Variants in RTF2 observed in about 807,000 individuals in gnomAD.
RTF2 encodes UPF0549 protein C20orf43.
A neutral mutation model predicts 38.0 loss-of-function variants in RTF2; 18 were observed. The observed-to-expected ratio is 0.47, with a 90% CI of 0.33 to 0.70. RTF2 has a LOEUF of 0.70. Among genes scored for constraint, RTF2 ranks in the 30% least tolerant of loss-of-function variants. The probability of loss-of-function intolerance (pLI) is 0.02; values close to 1 mark genes in which losing one functional copy is unlikely to be tolerated. For missense variants in RTF2, 311 were observed against 379.6 expected, an observed-to-expected ratio of 0.82 and a Z score of 1.50; for synonymous variants, 126 against 137.1, an observed-to-expected ratio of 0.92 and a Z score of 0.57.
intron 2 of RTF2, among the ~76,000 whole-genome samples, chr20:56,474,447 C>T (rs1350875595): frequency 6.6e-6 from 1 of 152,178 alleles, no homozygotes; most frequent in East Asian, 1.9e-4. Context: ...CACCATTGCA[C>T]TCCAGCCGGG....
intron 5 of RTF2, among the ~76,000 whole-genome samples, chr20:56,493,135 C>A (rs1477949090): frequency 6.6e-6 from 1 of 152,072 alleles, no homozygotes; most frequent in Non-Finnish European, 1.5e-5. Flanking sequence ...GAGATTGCAC[C>A]ACTGCCCTCC....
chr20:56,511,385 G>C (rs150566843), intron 5 of RTF2, among the ~76,000 whole-genome samples: 126 of 152,188 alleles, frequency 8.3e-4, no homozygotes, highest in Middle Eastern at 6.8e-3. Flanking sequence ...AATGCCTGAT[G>C]ATCTGAGGTG....
At chr20:56,496,375 C>T (rs1983533561) in intron 5 of RTF2, among the ~76,000 whole-genome samples, 1 of 152,164 alleles carries the variant, frequency 6.6e-6, no homozygotes, top group African/African-American at 2.4e-5. Context: ...TAGACAAACA[C>T]TGTCTCTACT....
rs201427771 is a variant in RTF2, at chr20:56,473,317, A to G, written c.86A>G (p.Glu29Gly). ...TTTTATTAGGTCGACAAAGATGCTG[A>G]ATTAGTGGCCCAATGGAACTATTGT... ...KKVEKVDKDA[E>G]LVAQWNYCTL... The change falls in exon 2 of 9, where the codon GAA becomes GGA. Residue 29 changes from glutamate (E) to glycine (G), a missense_variant. By Grantham distance (98) the Glu-to-Gly change is moderately conservative (BLOSUM62 -2). Transcript: ENST00000357348. 6.2e-7 allele frequency: 1 copy of G among 1,613,490 alleles called. No individual in the cohort carries two copies.
At chr20:56,472,388 C>G (rs996603276) in intron 1 of RTF2, 1 of 1,545,252 alleles carries the variant, frequency 6.5e-7, no homozygotes, top group Non-Finnish European at 8.8e-7. Flanking sequence ...AAAACAAGAA[C>G]GGGAAGGAGT....
In RTF2 at chr20:56,518,093, A is replaced by G; in HGVS notation, c.749A>G (p.Asn250Ser). The change falls in exon 9 of 9, where the codon AAT becomes AGT. Residue 250 changes from asparagine to serine, a missense_variant. Asn to Ser is a conservative substitution (Grantham distance 46). Transcript: ENST00000357348. ...TGGCTCTTCATTTTTCTAGCAATGA[A>G]TGAGAGCTCTTCTGGAAAAGCTGGG... ...TNLAPKSTAMNESSSGKAGKP... is the reference protein window; with the variant it reads ...TNLAPKSTAMSESSSGKAGKP... 1 of 1,608,086 alleles carries G rather than the reference A, an allele frequency of 6.2e-7. No individual in the cohort carries two copies. Among genetic ancestry groups the G allele is most frequent in the South Asian group, 1.1e-5 (1 of 90,224 alleles).
intron 5 of RTF2, among the ~76,000 whole-genome samples, chr20:56,512,831 A>G (rs2146375721): frequency 6.6e-6 from 1 of 152,248 alleles, no homozygotes; most frequent in Non-Finnish European, 1.5e-5. Context: ...CGAAGTGAAT[A>G]CTTCCCCCCG....
chr20:56,508,469 G>C (rs1200290055), intron 5 of RTF2, among the ~76,000 whole-genome samples: 1 of 152,154 alleles, frequency 6.6e-6, no homozygotes, highest in East Asian at 1.9e-4. Flanking sequence ...GTTTTTCAAA[G>C]GCAGTGTCTT....
chr20:56,486,780 A>C (rs555050629), intron 5 of RTF2, among the ~76,000 whole-genome samples: 1 of 152,352 alleles, frequency 6.6e-6, no homozygotes, highest in African/African-American at 2.4e-5. Context: ...TTTGCAAAAC[A>C]CTGTTGTAAG....
chr20:56,517,051 T>C (rs1985088646), intron 7 of RTF2, 55 bp from the exon 8 acceptor site: 2 of 1,609,290 alleles, frequency 1.2e-6, no homozygotes, highest in Non-Finnish European at 1.7e-6. Flanking sequence ...TCTGCTAATA[T>C]GTTCATGCTT....
At chr20:56,509,245 A>G (rs1984481737) in intron 5 of RTF2, among the ~76,000 whole-genome samples, 1 of 152,192 alleles carries the variant, frequency 6.6e-6, no homozygotes, top group South Asian at 2.1e-4. Context: ...AAGATGCTTA[A>G]CATCTCTGGT....
intron 5 of RTF2, among the ~76,000 whole-genome samples, chr20:56,486,542 GGGAGGCTGAGGCA>G (rs1982801614): frequency 6.6e-6 from 1 of 152,046 alleles, no homozygotes; most frequent in Non-Finnish European, 1.5e-5. Context: ...CTGGCTGCTC[GGGAGGCTGAGGCA>G]GGAGAATTGC....
At position 56,518,239 on chromosome 20, in the gene RTF2, G is replaced by A. The variant is rs746316174; in HGVS notation, c.895G>A (p.Val299Ile). The change falls in exon 9 of 9, where the codon GTC becomes ATC. Residue 299 changes from valine (V) to isoleucine (I), a missense_variant. Coordinates refer to ENST00000357348, the MANE Select transcript of RTF2 (RefSeq NM_016407.5). ...KRSKEESAHW[V>I]THTSYCF The stretch of plus-strand genomic sequence containing the variant: ...CTCCAAGGAGGAGTCTGCCCACTGG[G>A]TCACCCACACGTCCTACTGCTTCTG... 12 of 1,613,724 alleles carry A rather than the reference G, an allele frequency of 7.4e-6. No homozygotes were observed. Among genetic ancestry groups the A allele is most frequent in the Non-Finnish European group, 9.3e-6 (11 of 1,179,888 alleles).
intron 4 of RTF2, among the ~76,000 whole-genome samples, chr20:56,478,001 C>T (rs976500928): frequency 6.6e-5 from 10 of 152,162 alleles, no homozygotes; most frequent in South Asian, 2.1e-4. Flanking sequence ...TTAAAAAATA[C>T]GGACGGTTGA....
intron 6 of RTF2, among the ~76,000 whole-genome samples, chr20:56,515,537 ACT>A (rs1984967731): frequency 2.0e-5 from 3 of 151,414 alleles, no homozygotes; most frequent in African/African-American, 7.3e-5. Flanking sequence ...GTACCACTGC[ACT>A]TCAGCCTGGG....
rs1983173403 is a variant in RTF2, at chr20:56,491,928, C to T, written c.477+7739C>T. 21 of 630,130 alleles carry T rather than the reference C, an allele frequency of 3.3e-5. No homozygotes were observed. The South Asian group carries it at 4.2e-4, about 13-fold the overall frequency. 39.0% of individuals were successfully genotyped at this position (630,130 alleles called of 1,614,324 possible). A position where few individuals can be genotyped will look rare whatever the true frequency, so the allele number is the denominator to read the frequency against. On this transcript the variant is annotated intron_variant, in intron 5 of 8. Coordinates refer to ENST00000357348, the MANE Select transcript of RTF2 (RefSeq NM_016407.5). ...ACATCAAACAGCATTTCCATGATTG[C>T]CTTGACAGGGGCTTTTATGTTGAAT...
chr20:56,490,817 C>T (rs1016507792), intron 5 of RTF2, among the ~76,000 whole-genome samples: 1 of 152,014 alleles, frequency 6.6e-6, no homozygotes, highest in African/African-American at 2.4e-5. Flanking sequence ...AACTCCGTCT[C>T]AAATAAATAA....
chr20:56,510,805 T>G (rs1984609754), intron 5 of RTF2, among the ~76,000 whole-genome samples: 1 of 152,078 alleles, frequency 6.6e-6, no homozygotes, highest in Admixed American at 6.5e-5. Context: ...CCAGGCATGG[T>G]GGCGCACACC....
rs775769652 is a variant in RTF2 at position 56,516,921 on chromosome 20, C to G, written c.592-14C>G. ...ATCTGAGCACAGCCTCCAACATTCT[C>G]TATCTTTTTGTAGAAAACAAAGAAA... On this transcript the variant is annotated splice_polypyrimidine_tract_variant and intron_variant, in intron 6 of 8. Transcript: ENST00000357348. The G allele has an allele frequency of 2.1e-5, 34 of 1,613,020 alleles. No homozygotes were observed. Among genetic ancestry groups the G allele is most frequent in the Non-Finnish European group, 2.8e-5 (33 of 1,179,170 alleles).
Sources: gnomAD v4.1 joint callset for allele counts (sites outside exome capture counted in the v4.1 genomes callset) on GRCh38, gnomAD v4.1.1 for gene constraint, MANE v1.5 for transcripts, NCBI Gene and HGNC (gene_info 2026-07-23, HGNC 2026-07-21) for gene names.